Variants in METAP1 observed in about 807,000 individuals in gnomAD.
METAP1 encodes methionyl aminopeptidase 1, also known as methionine aminopeptidase 1.
In METAP1, 28 loss-of-function variants were observed where a neutral mutation model predicts 53.8. That is an observed-to-expected ratio of 0.52 (90% CI 0.39 to 0.71). The LOEUF (loss-of-function observed/expected upper bound fraction) is 0.71. Among genes scored for constraint, METAP1 ranks in the 30% least tolerant of loss-of-function variants. The pLI is 0.00. For synonymous variants in METAP1, 181 were observed against 165.7 expected, an observed-to-expected ratio of 1.09 and a Z score of -0.71; for missense variants, 389 against 479.8, an observed-to-expected ratio of 0.81 and a Z score of 1.77.
chr4:99,021,287 C>T (rs769364738), intron 1 of METAP1, among the ~76,000 whole-genome samples: 1 of 152,226 alleles, frequency 6.6e-6, no homozygotes, highest in Non-Finnish European at 1.5e-5. Flanking sequence ...TTGCCACCCT[C>T]TAGCAGTTTT....
chr4:98,999,728 G>A (rs35933543), intron 1 of METAP1, among the ~76,000 whole-genome samples: 1 of 151,170 alleles, frequency 6.6e-6, no homozygotes, highest in Non-Finnish European at 1.5e-5. Context: ...AGCTAGGATG[G>A]TCTGTAACTC....
At chr4:99,005,629 A>G in intron 1 of METAP1, 2 of 251,830 alleles carry the variant, frequency 7.9e-6, no homozygotes, top group Non-Finnish European at 8.1e-6. Flanking sequence ...ATGTATGTTT[A>G]TCGCAGCACA....
chr4:99,026,788 C>G, intron 1 of METAP1: 1 of 985,128 alleles, frequency 1.0e-6, no homozygotes, highest in Non-Finnish European at 1.2e-6. Context: ...TATTTTGACA[C>G]CATTAATGAT....
At chr4:99,027,634 T>G (rs1254258795) in intron 1 of METAP1, among the ~76,000 whole-genome samples, 3 of 151,746 alleles carry the variant, frequency 2.0e-5, no homozygotes, top group Non-Finnish European at 4.4e-5. Flanking sequence ...ATCTTTGAAG[T>G]GCCATTATTC....
intron 9 of METAP1, among the ~76,000 whole-genome samples, chr4:99,052,805 T>G (rs1470111889): frequency 6.6e-6 from 1 of 152,240 alleles, no homozygotes; most frequent in Non-Finnish European, 1.5e-5. Context: ...TTCTGTAGCT[T>G]GTGATATTGT....
intron 1 of METAP1, among the ~76,000 whole-genome samples, chr4:98,999,865 T>A (rs897771029): frequency 6.6e-6 from 1 of 152,148 alleles, no homozygotes. Flanking sequence ...CAACCAGTTT[T>A]ACTTGAAAAT....
chr4:99,022,857 G>T (rs1724234969), intron 1 of METAP1: 3 of 1,549,870 alleles, frequency 1.9e-6, no homozygotes, highest in African/African-American at 1.4e-5. Context: ...CCCTCCCACG[G>T]CTGCTGCTGC....
intron 1 of METAP1, among the ~76,000 whole-genome samples, chr4:98,998,072 C>T (rs1722723221): frequency 6.6e-6 from 1 of 152,248 alleles, no homozygotes; most frequent in South Asian, 2.1e-4. Flanking sequence ...CAGGGCCCCT[C>T]TTCTGAGCCT....
chr4:98,999,422 T>G (rs979041002), intron 1 of METAP1, among the ~76,000 whole-genome samples: 4 of 151,356 alleles, frequency 2.6e-5, no homozygotes, highest in African/African-American at 9.7e-5. Context: ...TCTTAGCATA[T>G]TAGTAAACTT....
Position 99,061,170 on chromosome 4 carries a change from A to G in METAP1, c.1014A>G (p.Glu338=), listed in dbSNP as rs766153447. 3.1e-6 allele frequency: 5 copies of G among 1,613,198 alleles called. No homozygotes were observed. In the Middle Eastern group the frequency reaches 6.6e-4, roughly 213 times the overall value. The part of the protein sequence containing the change: ...PMICEGGWQD[E]TWPDGWTAVT... ...TTGTTGAAGGCGGATGGCAGGATGA[A>G]ACCTGGCCAGATGGTTGGACTGCGG... is the stretch of plus-strand genomic sequence containing the variant. Residue 338 remains glutamate (E), a synonymous_variant, in exon 11 of 11, where the codon GAA becomes GAG. Transcript: ENST00000296411.
chr4:99,012,065 T>G (rs1435445683), intron 1 of METAP1, among the ~76,000 whole-genome samples: 2 of 152,148 alleles, frequency 1.3e-5, no homozygotes, highest in African/African-American at 4.8e-5. Flanking sequence ...TTCTTTTCAT[T>G]GTTTTTATTT....
rs766322715 is a variant in METAP1 at position 99,043,396 on chromosome 4, AAT to A, written c.655+12_655+13del. On this transcript the variant is annotated intron_variant, in intron 7 of 10. Coordinates refer to ENST00000296411, the MANE Select transcript of METAP1 (RefSeq NM_015143.3). ...AGGTGACATTGTTAATGGTAAGAAA[AAT>A]ATGTTACTTTCATCACCATGGGCAA... 3 of 1,579,180 alleles carry A rather than the reference AAT, an allele frequency of 1.9e-6. No individual in the cohort carries two copies. The highest frequency in any genetic ancestry group is 2.6e-6 in the Non-Finnish European group (3 of 1,162,104).
chr4:99,015,050 C>T (rs1041697195), intron 1 of METAP1, among the ~76,000 whole-genome samples: 3 of 152,114 alleles, frequency 2.0e-5, no homozygotes, highest in Non-Finnish European at 2.9e-5. Flanking sequence ...AGAGAGCTAC[C>T]ACACACTCCA....
chr4:99,006,045 A>G (rs905033624), intron 1 of METAP1, among the ~76,000 whole-genome samples: 3 of 152,192 alleles, frequency 2.0e-5, no homozygotes, highest in Non-Finnish European at 4.4e-5. Context: ...TGGTACTTAT[A>G]GAGAGTTTAT....
At chr4:99,046,321 G>A (rs991262753) in intron 8 of METAP1, among the ~76,000 whole-genome samples, 2 of 152,146 alleles carry the variant, frequency 1.3e-5, no homozygotes, top group Non-Finnish European at 2.9e-5. Context: ...GGCTGAGGCA[G>A]GAGAGTTGCT....
intron 1 of METAP1, among the ~76,000 whole-genome samples, chr4:99,012,269 GTTTTTT>G (rs34482996): frequency 9.4e-6 from 1 of 106,718 alleles, no homozygotes; most frequent in Non-Finnish European, 1.9e-5. Context: ...GTTAATGTGA[GTTTTTT>G]TTTTTTTTTT....
rs56764508 is a variant in METAP1, at chr4:99,018,194, C to T, written c.115-10673C>T. Among the ~76,000 whole-genome samples the T allele has an allele frequency of 7.2e-3, 1,099 of 152,312 alleles. 9 individuals carry two copies. The highest frequency in any genetic ancestry group is 0.025 in the African/African-American group (1,038 of 41,558). On this transcript the variant is annotated intron_variant, in intron 1 of 10. Transcript: ENST00000296411. ...GGGGCAAGGAGACATTTCCCTCGAC[C>T]TGTTCAGGTCCTATTCTCCTTTTGG...
rs141706943 is a variant in METAP1, at chr4:98,997,649, CAGGT to C, written c.114+1785_114+1788del. ...GTAGTGTGAAACCACATTCATGAAA[CAGGT>C]AGAAAGAAGGTGAATCACTGGGGTT... is the stretch of plus-strand genomic sequence containing the variant. On this transcript the variant is annotated intron_variant, in intron 1 of 10. Transcript: ENST00000296411. Among the ~76,000 whole-genome samples, 1,146 of 152,268 alleles carry C rather than the reference CAGGT, an allele frequency of 7.5e-3. 11 individuals are homozygous for C. Among genetic ancestry groups the C allele is most frequent in the African/African-American group, 0.027 (1,101 of 41,534 alleles).
rs2110446787 is a variant in METAP1 at position 99,061,901 on chromosome 4, C to T, written c.*584C>T. 6.6e-6 allele frequency: 1 copy of T among 152,260 alleles called. No homozygotes were observed. Among genetic ancestry groups the T allele is most frequent in the African/African-American group, 2.4e-5 (1 of 41,530 alleles). 9.4% of individuals were successfully genotyped at this position (152,260 alleles called of 1,614,324 possible). ...CTCTCCCCCATGCTAATTATTTACC[C>T]TTGTAATTGTGCATAGGGAAGCACT... On this transcript the variant is annotated 3_prime_UTR_variant, in exon 11 of 11. Coordinates refer to ENST00000296411, the MANE Select transcript of METAP1 (RefSeq NM_015143.3).
Sources: allele counts gnomAD v4.1 joint callset (sites outside exome capture counted in the v4.1 genomes callset), GRCh38; gene constraint gnomAD v4.1.1; transcripts MANE v1.5; gene names NCBI Gene and HGNC (gene_info 2026-07-23, HGNC 2026-07-21).